The following HTR1E variants were observed in gnomAD, a reference collection of about 807,000 sequenced individuals.
The protein encoded by HTR1E is 5-HT-1E.
HTR1E carries 3 observed loss-of-function variants against 3.4 expected under a neutral mutation model. The observed-to-expected ratio is 0.89, with a 90% CI of 0.41 to 2.31. The LOEUF (loss-of-function observed/expected upper bound fraction) is 2.31, where lower values mean the gene tolerates loss of function less well. Among genes scored for constraint, HTR1E ranks in the 30% most tolerant of loss-of-function variants. The probability of loss-of-function intolerance (pLI) is 0.05; values close to 1 mark genes in which losing one functional copy is unlikely to be tolerated. For missense variants in HTR1E, 392 were observed against 467.0 expected (o/e 0.84, Z 1.48); for synonymous variants, 170 against 182.8 (o/e 0.93, Z 0.56).
chr6:86,992,929 G>A (rs1253869200), intron 1 of HTR1E, among the ~76,000 whole-genome samples: 1 of 152,114 alleles, frequency 6.6e-6, no homozygotes, highest in African/African-American at 2.4e-5. Context: ...CAAGTCAGTG[G>A]TGGGTGTGGC....
At chr6:87,012,218 T>C (rs1768249038) in intron 1 of HTR1E, among the ~76,000 whole-genome samples, 1 of 152,156 alleles carries the variant, frequency 6.6e-6, no homozygotes, top group African/African-American at 2.4e-5. Flanking sequence ...GCCTTGGCCC[T>C]AAATAATCCT....
intron 1 of HTR1E, among the ~76,000 whole-genome samples, chr6:86,989,765 C>G (rs1486611337): frequency 6.6e-6 from 1 of 152,120 alleles, no homozygotes; most frequent in Non-Finnish European, 1.5e-5. Context: ...AGACCTGAAG[C>G]AAGGAGTGTC....
intron 1 of HTR1E, among the ~76,000 whole-genome samples, chr6:86,946,806 GA>G (rs1353784742): frequency 6.6e-6 from 1 of 152,050 alleles, no homozygotes; most frequent in Non-Finnish European, 1.5e-5. Flanking sequence ...AGAATTTTTA[GA>G]AACTGAACCA....
chr6:86,954,329 T>C (rs1394198591), intron 1 of HTR1E, among the ~76,000 whole-genome samples: 1 of 150,302 alleles, frequency 6.7e-6, no homozygotes, highest in African/African-American at 2.4e-5. Context: ...ATTCAATTAC[T>C]TTATTCAACT....
intron 1 of HTR1E, among the ~76,000 whole-genome samples, chr6:86,948,123 AAC>A (rs1440443241): frequency 6.6e-6 from 1 of 152,146 alleles, no homozygotes. Flanking sequence ...TATGAGTGAG[AAC>A]ACGTGGTGTT....
chr6:86,949,720 TAC>T (rs1767200208), intron 1 of HTR1E, among the ~76,000 whole-genome samples: 1 of 152,018 alleles, frequency 6.6e-6, no homozygotes, highest in Non-Finnish European at 1.5e-5. Context: ...TAAGTTTAAT[TAC>T]ATTTATTTAA....
At position 86,937,718 on chromosome 6, in the gene HTR1E, T is replaced by G. The variant is rs1768488713; in HGVS notation, c.-291T>G. On this transcript the variant is annotated 5_prime_UTR_variant, in exon 1 of 2. It removes the in-frame stop codon of an upstream open reading frame in the 5' UTR. Coordinates refer to ENST00000305344, the MANE Select transcript of HTR1E (RefSeq NM_000865.3). ...TCGAATGTTGAGAGAAGCAGTGCTCTGATCCAGCTCAGGAGAAAAAGGAGC... is the reference window on the plus strand; with the variant it reads ...TCGAATGTTGAGAGAAGCAGTGCTCGGATCCAGCTCAGGAGAAAAAGGAGC... The G allele has an allele frequency of 6.5e-6, 1 of 152,826 alleles. No homozygotes were observed. Among genetic ancestry groups the G allele is most frequent in the Non-Finnish European group, 1.5e-5 (1 of 68,150 alleles). 9.5% of individuals were successfully genotyped at this position (152,826 alleles called of 1,614,324 possible).
intron 1 of HTR1E, among the ~76,000 whole-genome samples, chr6:86,965,521 G>A (rs56156206): frequency 2.6e-5 from 4 of 151,914 alleles, no homozygotes; most frequent in Non-Finnish European, 5.9e-5. Flanking sequence ...GAGTCATCAA[G>A]AGTTTGTAGA....
intron 1 of HTR1E, among the ~76,000 whole-genome samples, chr6:86,952,509 A>C (rs1767260994): frequency 1.3e-5 from 2 of 151,970 alleles, no homozygotes; most frequent in Middle Eastern, 3.4e-3. Flanking sequence ...ACACACACAC[A>C]CACACACACA....
intron 1 of HTR1E, among the ~76,000 whole-genome samples, chr6:86,982,121 C>T (rs375578553): frequency 1.3e-3 from 192 of 152,334 alleles, no homozygotes; most frequent in African/African-American, 4.5e-3. Context: ...AGCAACACAT[C>T]CATGTGACCT....
chr6:86,956,982 T>C (rs1767335335), intron 1 of HTR1E, among the ~76,000 whole-genome samples: 1 of 152,252 alleles, frequency 6.6e-6, no homozygotes, highest in South Asian at 2.1e-4. Flanking sequence ...TGTTTGCTCC[T>C]TTCTTGGTGT....
At chr6:86,947,328 G>C (rs1768630554) in intron 1 of HTR1E, among the ~76,000 whole-genome samples, 1 of 151,950 alleles carries the variant, frequency 6.6e-6, no homozygotes, top group Admixed American at 6.6e-5. Flanking sequence ...ACCAACTCTT[G>C]GTTATCTCAA....
At chr6:86,940,374 A>G (rs1009489579) in intron 1 of HTR1E, among the ~76,000 whole-genome samples, 1 of 152,142 alleles carries the variant, frequency 6.6e-6, no homozygotes, top group African/African-American at 2.4e-5. Flanking sequence ...CATCTCTACA[A>G]AAAAATTTAA....
Position 87,012,956 on chromosome 6 carries a change from C to T in HTR1E, c.-185-2194C>T, listed in dbSNP as rs1768259766. On this transcript the variant is annotated intron_variant, in intron 1 of 1. Coordinates refer to ENST00000305344, the MANE Select transcript of HTR1E (RefSeq NM_000865.3). ...CTCTCCAAAACCGCTGACTCAGGCACACTTTTTAGGTTAAAGTAAATCAGG... is the reference window on the plus strand; with the variant it reads ...CTCTCCAAAACCGCTGACTCAGGCATACTTTTTAGGTTAAAGTAAATCAGG... Among the ~76,000 whole-genome samples the T allele has an allele frequency of 2.0e-5, 3 of 152,324 alleles. No individual in the cohort carries two copies. The South Asian group carries it at 6.2e-4, about 32-fold the overall frequency.
chr6:86,979,923 A>G (rs1267406668), intron 1 of HTR1E, among the ~76,000 whole-genome samples: 1 of 152,046 alleles, frequency 6.6e-6, no homozygotes, highest in Non-Finnish European at 1.5e-5. Flanking sequence ...AGGTTACAGA[A>G]ACGGTCCACC....
chr6:86,970,907 G>A (rs997894982), intron 1 of HTR1E: 9 of 287,550 alleles, frequency 3.1e-5, no homozygotes, highest in Non-Finnish European at 5.4e-5. Flanking sequence ...GTCAGTAAAT[G>A]AGCTAATCTA....
intron 1 of HTR1E, among the ~76,000 whole-genome samples, chr6:87,002,204 G>C (rs541057316): frequency 1.3e-4 from 20 of 152,250 alleles, no homozygotes; most frequent in African/African-American, 4.6e-4. Context: ...CTTAAAGATG[G>C]TGTGTCCGGA....
intron 1 of HTR1E, among the ~76,000 whole-genome samples, chr6:86,959,604 C>T (rs1767378379): frequency 6.6e-6 from 1 of 152,152 alleles, no homozygotes; most frequent in Admixed American, 6.5e-5. Context: ...CAGGTTGAAA[C>T]ACAAAATTCA....
chr6:86,959,652 T>C (rs1767378921), intron 1 of HTR1E, among the ~76,000 whole-genome samples: 1 of 152,186 alleles, frequency 6.6e-6, no homozygotes, highest in Non-Finnish European at 1.5e-5. Context: ...AGCTGGAGCC[T>C]TAGCTGTGTA....
Sources: gnomAD v4.1 joint callset for allele counts (sites outside exome capture counted in the v4.1 genomes callset) on GRCh38, gnomAD v4.1.1 for gene constraint, MANE v1.5 for transcripts, NCBI Gene and HGNC (gene_info 2026-07-23, HGNC 2026-07-21) for gene names.